Variants in SCRIB observed in about 807,000 individuals in gnomAD.
SCRIB encodes protein scribble homolog.
Under a neutral mutation model 170.0 loss-of-function variants are expected in SCRIB, and 72 were observed. The ratio of observed to expected loss-of-function variants is 0.42; its 90% CI spans 0.35 to 0.52. The LOEUF is 0.52. Among genes scored for constraint, SCRIB ranks in the 20% least tolerant of loss-of-function variants. The pLI is 0.02. For missense variants in SCRIB, 2,475 were observed against 2,338.5 expected (o/e 1.06, Z -1.20); for synonymous variants, 1,298 against 1,044.3 (o/e 1.24, Z -4.68).
At chr8:143,812,090 G>A (rs961054409) in intron 9 of SCRIB, among the ~76,000 whole-genome samples, 176 bp downstream of exon 9, 2 of 152,094 alleles carry the variant, frequency 1.3e-5, no homozygotes, top group African/African-American at 4.8e-5. Flanking sequence ...TGGCCTCACT[G>A]CCCCGCCTCA....
chr8:143,793,996 G>T, intron 27 of SCRIB, 34 bp from the exon 28 acceptor site: 1 of 1,604,512 alleles, frequency 6.2e-7, no homozygotes, highest in Non-Finnish European at 8.5e-7. Flanking sequence ...GGTGAGGATG[G>T]GCAGGGCTGT....
chr8:143,811,983 A>C (rs1466666948), intron 9 of SCRIB, among the ~76,000 whole-genome samples: 1 of 152,086 alleles, frequency 6.6e-6, no homozygotes, highest in Non-Finnish European at 1.5e-5. Context: ...ATAAGTTCCC[A>C]TTCCTGCCTC....
Position 143,792,753 on chromosome 8 carries a change from A to T in SCRIB, c.4132T>A (p.Ser1378Thr). Residue 1378 changes from serine (S) to threonine (T), a missense_variant, in exon 30 of 37, where the codon TCC becomes ACC. This residue lies in a region of SCRIB where 1,966 missense variants were observed against 1,742.9 expected (regional missense o/e 1.13). Transcript: ENST00000356994. ...PQAEGPPKRV[S>T]LVGADDLRKM... ...CGCAGGTCGTCAGCACCCACCAGGGACACGCGCTTAGGGGGGCCCTCGGCC... is the reference window on the plus strand; with the variant it reads ...CGCAGGTCGTCAGCACCCACCAGGGTCACGCGCTTAGGGGGGCCCTCGGCC... 1 of 1,590,972 alleles carries T rather than the reference A, an allele frequency of 6.3e-7. No individual in the cohort carries two copies. Among genetic ancestry groups the T allele is most frequent in the Non-Finnish European group, 8.5e-7 (1 of 1,172,306 alleles).
At chr8:143,793,256 C>T (rs1378669034) in intron 28 of SCRIB, 173 bp from the exon 29 acceptor site, 7 of 496,420 alleles carry the variant, frequency 1.4e-5, no homozygotes, top group Admixed American at 3.8e-5. Context: ...AGAGCACTCA[C>T]GGAGTGGGGA....
At chr8:143,808,539 C>T (rs1554637160) in intron 15 of SCRIB, 70 bp downstream of exon 15, 3 of 1,486,502 alleles carry the variant, frequency 2.0e-6, no homozygotes, top group Non-Finnish European at 2.7e-6. Flanking sequence ...GGCCCTGCTC[C>T]TGCCGCAGCC....
intron 24 of SCRIB, among the ~76,000 whole-genome samples, chr8:143,801,447 G>T (rs1815167214): frequency 6.6e-6 from 1 of 152,196 alleles, no homozygotes. Flanking sequence ...CAGTAGGGAA[G>T]ATCTTCCCAA....
chr8:143,803,246 G>T, intron 24 of SCRIB, 137 bp downstream of exon 24: 3 of 821,124 alleles, frequency 3.7e-6, no homozygotes, highest in Non-Finnish European at 5.5e-6. Context: ...AGCCCGCACG[G>T]CTGATGCAGA....
chr8:143,815,226 G>C lies in SCRIB; in HGVS notation c.147C>G (p.Arg49=), dbSNP rs1816021662. Residue 49 remains arginine (R), a synonymous_variant, in exon 1 of 37, where the codon CGC becomes CGG. Coordinates refer to ENST00000356994, the MANE Select transcript of SCRIB (RefSeq NM_182706.5). The part of the protein sequence containing the change: ...EELLLDANQL[R]ELPKPFFRLL... ...GGCGGCCGCTCACCTTGGGCAGCTC[G>C]CGCAGCTGGTTGGCGTCGAGCAGCA... is the stretch of plus-strand genomic sequence containing the variant. The C allele has an allele frequency of 2.5e-6, 4 of 1,587,602 alleles. No individual in the cohort carries two copies. The highest frequency in any genetic ancestry group is 1.4e-5 in the African/African-American group (1 of 72,884).
At position 143,815,704 on chromosome 8, in the gene SCRIB, G is replaced by T. The variant is rs944186893; in HGVS notation, c.-332C>A. On this transcript the variant is annotated 5_prime_UTR_variant, in exon 1 of 37. Transcript: ENST00000356994. ...CCGCCCGCTGTGCCGCACCGGAACC[G>T]CCGCTGCCCGCCGGACTGCCCCGCC... 218 of 983,506 alleles carry T rather than the reference G, an allele frequency of 2.2e-4. No individual in the cohort carries two copies. The African/African-American group carries it at 3.5e-3, about 16-fold the overall frequency. The allele number at this position is 983,506 out of a possible 1,614,324, so 60.9% of individuals were successfully genotyped here.
Position 143,807,537 on chromosome 8 carries a change from G to A in SCRIB, c.2178+15C>T, listed in dbSNP as rs1554636907. On this transcript the variant is annotated intron_variant, in intron 16 of 36. Coordinates refer to ENST00000356994, the MANE Select transcript of SCRIB (RefSeq NM_182706.5). ...AGCAGCGGCCCGGCCAGAGTGCAGAGCGAGCAGTACAGACCTCTTCCTCCT... is the reference window on the plus strand; with the variant it reads ...AGCAGCGGCCCGGCCAGAGTGCAGAACGAGCAGTACAGACCTCTTCCTCCT... 3 of 1,609,898 alleles carry A rather than the reference G, an allele frequency of 1.9e-6. No homozygotes were observed. The highest frequency in any genetic ancestry group is 1.7e-5 in the Admixed American group (1 of 60,020).
In SCRIB at chr8:143,809,671, T is replaced by A; in HGVS notation, c.1578A>T (p.Pro526=). 1.2e-6 allele frequency: 2 copies of A among 1,611,074 alleles called. No homozygotes were observed. Among genetic ancestry groups the A allele is most frequent in the Non-Finnish European group, 1.7e-6 (2 of 1,179,902 alleles). ...AESGLSEDSR[P]SASTVSEAEP... The stretch of plus-strand genomic sequence containing the variant: ...CAGCCTCAGAGACTGTGCTGGCAGA[T>A]GGGCGAGAGTCTTCACTCAGGCCAG... Residue 526 remains proline (P), a synonymous_variant, in exon 14 of 37, where the codon CCA becomes CCT. Transcript: ENST00000356994.
chr8:143,811,056 A>G lies in SCRIB; in HGVS notation c.1123T>C (p.Phe375Leu). Reference protein sequence around the residue: ...VAGNRLQSLPFALTHLNLKAL... With the variant: ...VAGNRLQSLPLALTHLNLKAL... ...TTGAGATTGAGGTGGGTGAGCGCGA[A>G]CGGCAGACTCTGCAGGCTGCGGGCC... Residue 375 changes from phenylalanine (F) to leucine (L), a missense_variant, in exon 11 of 37, where the codon TTC becomes CTC. This residue lies in a region of SCRIB where 487 missense variants were observed against 558.1 expected (regional missense o/e 0.87). Coordinates refer to ENST00000356994, the MANE Select transcript of SCRIB (RefSeq NM_182706.5). 1 of 1,612,082 alleles carries G rather than the reference A, an allele frequency of 6.2e-7. No homozygotes were observed. Among genetic ancestry groups the G allele is most frequent in the East Asian group, 2.2e-5 (1 of 44,852 alleles).
rs781786241 is a variant in SCRIB at position 143,792,402 on chromosome 8, C to G, written c.4332G>C (p.Gln1444His). The part of the protein sequence containing the change: ...PWASPSPTSR[Q>H]SPASPPPLGG... ...CCAGGGGTGGGGGGGACGCCGGGCTCTGCCTGGGGAAGGGACAGGACGTGC... is the reference window on the plus strand; with the variant it reads ...CCAGGGGTGGGGGGGACGCCGGGCTGTGCCTGGGGAAGGGACAGGACGTGC... Residue 1444 changes from glutamine to histidine, a missense_variant, in exon 32 of 37, where the codon CAG (glutamine) becomes CAC (histidine). This residue lies in a region of SCRIB where 1,966 missense variants were observed against 1,742.9 expected (regional missense o/e 1.13). Coordinates refer to ENST00000356994, the MANE Select transcript of SCRIB (RefSeq NM_182706.5). 6.0e-6 allele frequency: 9 copies of G among 1,502,176 alleles called. No individual in the cohort carries two copies. The Admixed American group carries it at 1.5e-4, about 25-fold the overall frequency. The allele number at this position is 1,502,176 out of a possible 1,614,324, so 93.1% of individuals were successfully genotyped here. A position where few individuals can be genotyped will look rare whatever the true frequency, so the allele number is the denominator to read the frequency against.
intron 1 of SCRIB, 162 bp downstream of exon 1, chr8:143,815,052 G>T: frequency 2.5e-6 from 2 of 791,812 alleles, no homozygotes; most frequent in Non-Finnish European, 3.6e-6. Flanking sequence ...CAGCCAGGGC[G>T]GCTGGAAGAG....
Position 143,795,297 on chromosome 8 carries a change from G to A in SCRIB, c.3751C>T (p.Pro1251Ser), listed in dbSNP as rs782123685. ...CTCACTGCGGCTTCTGTGGCCTCGG[G>A]CCCCCAGTGCAGGGTCTGTCCAGGC... ...ELPGQTLHWG[P>S]EATEAAGRGL... The change falls in exon 26 of 37, where the codon CCC becomes TCC. Residue 1251 changes from proline (P) to serine (S), a missense_variant. Transcript: ENST00000356994. 3.1e-6 allele frequency: 5 copies of A among 1,612,512 alleles called. No individual in the cohort carries two copies. The highest frequency in any genetic ancestry group is 1.3e-5 in the African/African-American group (1 of 74,900).
intron 20 of SCRIB, 48 bp from the exon 21 acceptor site, chr8:143,804,873 A>G (rs1815343563): frequency 3.4e-6 from 3 of 880,532 alleles, no homozygotes; most frequent in Middle Eastern, 4.4e-4. Context: ...AGAAGGGGAC[A>G]GAGGGCGCGG....
At chr8:143,813,125 AAT>A (rs750531198) in intron 6 of SCRIB, 21 bp from the exon 7 acceptor site, 1 of 1,572,218 alleles carries the variant, frequency 6.4e-7, no homozygotes, top group African/African-American at 1.3e-5. Context: ...GAACAGAGAA[AAT>A]AGTGACTATG....
intron 9 of SCRIB, 44 bp from the exon 10 acceptor site, chr8:143,811,389 G>A: frequency 1.3e-6 from 2 of 1,565,122 alleles, no homozygotes; most frequent in Non-Finnish European, 1.7e-6. Context: ...GGCTTGCTGG[G>A]GGTGGGAAGG....
intron 24 of SCRIB, among the ~76,000 whole-genome samples, chr8:143,799,147 C>T (rs1815069802): frequency 6.6e-6 from 1 of 152,226 alleles, no homozygotes; most frequent in African/African-American, 2.4e-5. Context: ...AGCATTTCAT[C>T]TTCCTAGGTC....
Sources: gnomAD v4.1 joint callset for allele counts (sites outside exome capture counted in the v4.1 genomes callset) on GRCh38, gnomAD v4.1.1 for gene constraint, gnomAD v4.1.1 regional missense constraint, MANE v1.5 for transcripts, NCBI Gene and HGNC (gene_info 2026-07-23, HGNC 2026-07-21) for gene names.